Variants in AFF2 observed in about 807,000 individuals in gnomAD.
AFF2 encodes the protein ALF transcription elongation factor 2.
A neutral mutation model predicts 76.9 loss-of-function variants in AFF2; 14 were observed. The ratio of observed to expected loss-of-function variants is 0.18; its 90% confidence interval spans 0.12 to 0.28. The LOEUF (loss-of-function observed/expected upper bound fraction) is 0.28, where lower values mean the gene tolerates loss of function less well. Among genes scored for constraint, AFF2 ranks in the 10% least tolerant of loss-of-function variants. The probability of loss-of-function intolerance (pLI) is 1.00; values close to 1 mark genes in which losing one functional copy is unlikely to be tolerated. For missense variants in AFF2, 868 were observed against 1,001.1 expected (o/e 0.87, Z 1.79); for synonymous variants, 398 against 366.7 (o/e 1.09, Z -0.98).
chrX:148,780,743 A>T (rs1348060524), intron 3 of AFF2, among the ~76,000 whole-genome samples: 1 of 111,565 alleles, frequency 9.0e-6, no homozygotes. Flanking sequence ...TCTGACGCCT[A>T]CTTCTGTCAG....
At position 148,662,006 on chromosome X, in the gene AFF2, C is replaced by T; in HGVS notation, c.279C>T (p.His93=). The change falls in exon 3 of 21, where the codon CAC becomes CAT. Residue 93 remains histidine (H), a synonymous_variant. Coordinates refer to ENST00000370460, the MANE Select transcript of AFF2 (RefSeq NM_002025.4). Reference sequence around the variant, plus strand: ...TAACTAACCATTCTAATCAGAATCACCTAGTGGGAATTCCAAAGAATTCTG... The same window carrying T: ...TAACTAACCATTCTAATCAGAATCATCTAGTGGGAATTCCAAAGAATTCTG... ...NLLTNHSNQN[H]LVGIPKNSVP... 2.5e-6 allele frequency: 3 copies of T among 1,209,829 alleles called. No homozygotes were observed. The highest frequency in any genetic ancestry group is 3.4e-6 in the Non-Finnish European group (3 of 893,818).
chrX:148,707,879 T>C (rs781988193), intron 3 of AFF2, among the ~76,000 whole-genome samples: 2 of 112,119 alleles, frequency 1.8e-5, no homozygotes, highest in South Asian at 7.4e-4. Context: ...ATTCTAAGAA[T>C]AGCTCATATT....
At chrX:148,873,692 G>A (rs1409442497) in intron 7 of AFF2, among the ~76,000 whole-genome samples, 1 of 110,606 alleles carries the variant, frequency 9.0e-6, no homozygotes, top group Non-Finnish European at 1.9e-5. Flanking sequence ...TGAATGTCTG[G>A]CACACATTAA....
At chrX:148,668,472 C>T (rs781791684) in intron 3 of AFF2, among the ~76,000 whole-genome samples, 2 of 112,686 alleles carry the variant, frequency 1.8e-5, no homozygotes, top group Admixed American at 1.9e-4. Flanking sequence ...TCCATGGGGG[C>T]CCCGCCTCTG....
intron 7 of AFF2, among the ~76,000 whole-genome samples, chrX:148,865,582 A>T (rs2070896464): frequency 8.9e-6 from 1 of 112,230 alleles, no homozygotes; most frequent in East Asian, 2.8e-4. Context: ...TCAATTAAAA[A>T]GAAGCCATTT....
intron 3 of AFF2, among the ~76,000 whole-genome samples, chrX:148,677,394 C>T (rs2054497508): frequency 8.9e-6 from 1 of 111,774 alleles, no homozygotes; most frequent in Admixed American, 9.5e-5. Context: ...ATGATCATTT[C>T]CTTATGCTTC....
chrX:148,893,391 TCTC>T (rs1380905941), intron 8 of AFF2, among the ~76,000 whole-genome samples: 2 of 111,766 alleles, frequency 1.8e-5, no homozygotes, highest in African/African-American at 6.5e-5. Flanking sequence ...AATTAGGTCT[TCTC>T]CTTCAGTACC....
At chrX:148,773,546 T>G (rs1436327869) in intron 3 of AFF2, among the ~76,000 whole-genome samples, 1 of 107,603 alleles carries the variant, frequency 9.3e-6, no homozygotes, top group Non-Finnish European at 1.9e-5. Flanking sequence ...TATGCAAAAT[T>G]TGGGAGAGAA....
chrX:148,935,047 G>A (rs111475756), intron 9 of AFF2, among the ~76,000 whole-genome samples: 8,218 of 37,142 alleles, frequency 0.22, 736 homozygotes, highest in African/African-American at 0.47. Flanking sequence ...AAAAACAACC[G>A]AAAAGCCTAA....
At chrX:148,527,646 A>G (rs962533823) in intron 1 of AFF2, among the ~76,000 whole-genome samples, 9 of 111,749 alleles carry the variant, frequency 8.1e-5, no homozygotes, top group African/African-American at 2.9e-4. Flanking sequence ...ACACTACGTG[A>G]AAGATATATA....
chrX:148,619,894 A>G (rs1359562971), intron 1 of AFF2, among the ~76,000 whole-genome samples: 1 of 111,989 alleles, frequency 8.9e-6, no homozygotes, highest in African/African-American at 3.2e-5. Flanking sequence ...TGCTTTAGCA[A>G]TTTTACCAAG....
intron 1 of AFF2, among the ~76,000 whole-genome samples, chrX:148,569,372 C>T (rs1348944126): frequency 1.8e-5 from 2 of 111,258 alleles, no homozygotes; most frequent in Admixed American, 9.6e-5. Flanking sequence ...AAGCTTTTAG[C>T]GGTCGTTTCT....
chrX:148,749,390 G>A (rs2055469633), intron 3 of AFF2, among the ~76,000 whole-genome samples: 1 of 110,233 alleles, frequency 9.1e-6, no homozygotes. Context: ...TCCCACTTCA[G>A]CCTTCCAAGT....
intron 1 of AFF2, among the ~76,000 whole-genome samples, chrX:148,527,409 T>A (rs893988548): frequency 8.9e-6 from 1 of 112,246 alleles, no homozygotes; most frequent in Admixed American, 9.4e-5. Flanking sequence ...AAGGCATGAA[T>A]TTAGATTGGA....
intron 3 of AFF2, among the ~76,000 whole-genome samples, chrX:148,677,461 G>A (rs2054498255): frequency 8.9e-6 from 1 of 112,049 alleles, no homozygotes; most frequent in Non-Finnish European, 1.9e-5. Context: ...AAAAATTAAT[G>A]TCTTACCTCA....
intron 18 of AFF2, 91 bp from the exon 19 acceptor site, chrX:148,980,647 T>C (rs1407945572): frequency 2.8e-6 from 2 of 709,337 alleles, no homozygotes; most frequent in African/African-American, 2.1e-5. Flanking sequence ...TCAATATTAA[T>C]GTACTCTAAA....
intron 3 of AFF2, among the ~76,000 whole-genome samples, chrX:148,709,969 G>T (rs1304454246): frequency 9.0e-6 from 1 of 111,404 alleles, no homozygotes; most frequent in African/African-American, 3.3e-5. Flanking sequence ...ATAAGAATAG[G>T]TTCATGACCT....
chrX:148,704,518 T>TCA (rs1420969590), intron 3 of AFF2, among the ~76,000 whole-genome samples: 1 of 54,145 alleles, frequency 1.8e-5, no homozygotes, highest in Non-Finnish European at 3.6e-5. Flanking sequence ...ATATATATTT[T>TCA]TATATATATA....
At chrX:148,724,664 A>G (rs901330373) in intron 3 of AFF2, among the ~76,000 whole-genome samples, 2 of 112,165 alleles carry the variant, frequency 1.8e-5, no homozygotes, top group African/African-American at 6.5e-5. Context: ...ATTACTGAGT[A>G]ATGCCACCTA....
Sources: allele counts gnomAD v4.1 joint callset (sites outside exome capture counted in the v4.1 genomes callset), GRCh38; gene constraint gnomAD v4.1.1; transcripts MANE v1.5; gene names NCBI Gene and HGNC (gene_info 2026-07-23, HGNC 2026-07-21).